The following SLC4A4 variants were observed in gnomAD, a reference collection of about 807,000 sequenced individuals.
The protein encoded by SLC4A4 is solute carrier family 4 member 4, also known as electrogenic sodium bicarbonate cotransporter 1.
SLC4A4 carries 27 observed loss-of-function variants against 111.5 expected under a neutral mutation model. That is an observed-to-expected ratio of 0.24 (90% confidence interval 0.18 to 0.33). SLC4A4 has a LOEUF of 0.33. Ranked by LOEUF, SLC4A4 falls within the 10% of genes least tolerant of loss-of-function variation. SLC4A4 has a pLI of 1.00. For synonymous variants in SLC4A4, 443 were observed against 463.4 expected (o/e 0.96, Z 0.57); for missense variants, 909 against 1,315.5 (o/e 0.69, Z 4.78).
intron 3 of SLC4A4, among the ~76,000 whole-genome samples, chr4:71,262,055 C>T (rs1355399299): frequency 1.3e-5 from 2 of 152,064 alleles, no homozygotes; most frequent in East Asian, 1.9e-4. Context: ...AAGCGGAAGG[C>T]AGGTCACATC....
intron 1 of SLC4A4, among the ~76,000 whole-genome samples, chr4:71,214,320 T>G (rs1295986155): frequency 6.6e-6 from 1 of 152,172 alleles, no homozygotes; most frequent in Admixed American, 6.5e-5. Flanking sequence ...GAATGATAAT[T>G]AAAGCAACTT....
chr4:71,185,214 C>A (rs1004874014), upstream of SLC4A4, among the ~76,000 whole-genome samples: 2 of 152,174 alleles, frequency 1.3e-5, no homozygotes, highest in Non-Finnish European at 2.9e-5. Flanking sequence ...GGCTGCTTCA[C>A]GATTATAATG....
In SLC4A4 at chr4:71,219,010, T is replaced by A. The variant is rs138800870; in HGVS notation, c.-1-17566T>A. Among the ~76,000 whole-genome samples the A allele has an allele frequency of 3.9e-5, 6 of 152,274 alleles. No individual in the cohort carries two copies. In the East Asian group the frequency reaches 9.7e-4, roughly 25 times the overall value. On this transcript the variant is annotated intron_variant, in intron 1 of 25. Coordinates refer to ENST00000264485, the MANE Select transcript of SLC4A4 (RefSeq NM_001098484.3). ...AGTAATACAAGGGACTGTATTAGTT[T>A]TTGGAGAGTTTTTATTCTTCTAGGA...
intron 2 of SLC4A4, among the ~76,000 whole-genome samples, chr4:71,130,831 A>C (rs780136158): frequency 6.6e-6 from 1 of 152,138 alleles, no homozygotes; most frequent in Non-Finnish European, 1.5e-5. Flanking sequence ...TGGAATCAAT[A>C]CCTTTTTAGG....
intron 2 of SLC4A4, among the ~76,000 whole-genome samples, chr4:71,166,624 G>T (rs749462055): frequency 1.3e-5 from 2 of 152,192 alleles, no homozygotes; most frequent in African/African-American, 2.4e-5. Flanking sequence ...ATGAAATCAT[G>T]AGATTTGAAA....
intron 6 of SLC4A4, among the ~76,000 whole-genome samples, chr4:71,390,692 G>A (rs977217049): frequency 6.6e-6 from 1 of 152,080 alleles, no homozygotes; most frequent in East Asian, 1.9e-4. Context: ...CATGAAAATA[G>A]AATATATTCT....
intron 3 of SLC4A4, among the ~76,000 whole-genome samples, chr4:71,288,407 ATTTT>A (rs112503573): frequency 6.9e-6 from 1 of 145,906 alleles, no homozygotes; most frequent in African/African-American, 2.5e-5. Context: ...AGGGTAGGGG[ATTTT>A]TTTTTTTTAC....
At chr4:71,123,681 G>GTAT (rs1198201379) in intron 2 of SLC4A4, among the ~76,000 whole-genome samples, 2 of 152,122 alleles carry the variant, frequency 1.3e-5, no homozygotes, top group African/African-American at 4.8e-5. Flanking sequence ...GTGTGAAATG[G>GTAT]TATTCTTCCT....
chr4:71,233,719 A>C (rs1046722506), intron 1 of SLC4A4, among the ~76,000 whole-genome samples: 2 of 152,128 alleles, frequency 1.3e-5, no homozygotes, highest in South Asian at 4.1e-4. Flanking sequence ...TAAAGTGGCT[A>C]AATAGAACTC....
At chr4:71,130,390 G>A (rs759709081) in intron 2 of SLC4A4, among the ~76,000 whole-genome samples, 2 of 151,996 alleles carry the variant, frequency 1.3e-5, no homozygotes, top group African/African-American at 4.8e-5. Context: ...CCTCCATGCT[G>A]GCTAATTAAT....
chr4:71,498,816 A>C (rs547068495), intron 16 of SLC4A4, among the ~76,000 whole-genome samples: 1 of 152,252 alleles, frequency 6.6e-6, no homozygotes, highest in South Asian at 2.1e-4. Context: ...ACCCACAGCC[A>C]TTCTTTGTTT....
At chr4:71,160,399 G>A (rs1744589574) in intron 2 of SLC4A4, among the ~76,000 whole-genome samples, 1 of 151,504 alleles carries the variant, frequency 6.6e-6, no homozygotes, top group Non-Finnish European at 1.5e-5. Context: ...TTTGTTCAGC[G>A]CCATTTGGGT....
chr4:71,310,003 C>T (rs1366525263), intron 3 of SLC4A4, among the ~76,000 whole-genome samples: 1 of 151,830 alleles, frequency 6.6e-6, no homozygotes, highest in Non-Finnish European at 1.5e-5. Flanking sequence ...CCTGATGGAT[C>T]TGAGAAACAC....
intron 3 of SLC4A4, among the ~76,000 whole-genome samples, chr4:71,329,470 T>C (rs1190557283): frequency 6.6e-6 from 1 of 152,142 alleles, no homozygotes. Context: ...TATCTTTCCA[T>C]TTTGTTATGT....
At chr4:71,267,342 A>AG (rs985302780) in intron 3 of SLC4A4, among the ~76,000 whole-genome samples, 4 of 152,126 alleles carry the variant, frequency 2.6e-5, no homozygotes, top group African/African-American at 9.7e-5. Context: ...CTGAAGGATG[A>AG]GAAAAAAAAA....
rs187778655 is a variant in SLC4A4, at chr4:71,064,838, G to A, written c.-65+2050G>A. ...TGTGCCACTTGCTAGCTATCTAATC[G>A]TAGACGAGTTATTTAACATCCTTCT... On this transcript the variant is annotated intron_variant, in intron 1 of 26. Transcript: ENST00000649996. Among the ~76,000 whole-genome samples the A allele has an allele frequency of 3.7e-3, 564 of 152,260 alleles. 11 individuals are homozygous for A. Among genetic ancestry groups the A allele is most frequent in the Admixed American group, 0.029 (448 of 15,288 alleles).
chr4:71,281,709 C>CA (rs889339729), intron 3 of SLC4A4, among the ~76,000 whole-genome samples: 10 of 152,146 alleles, frequency 6.6e-5, no homozygotes, highest in African/African-American at 2.4e-4. Flanking sequence ...ATACATAACA[C>CA]AACATGTATT....
At chr4:71,536,471 T>C (rs1182960422) in intron 18 of SLC4A4, among the ~76,000 whole-genome samples, 1 of 84,668 alleles carries the variant, frequency 1.2e-5, no homozygotes, top group South Asian at 5.4e-4. Flanking sequence ...TATACATATA[T>C]ATATATATAT....
chr4:71,118,604 A>G (rs1578496846), intron 2 of SLC4A4, among the ~76,000 whole-genome samples: 1 of 152,114 alleles, frequency 6.6e-6, no homozygotes. Flanking sequence ...TTTGTAGTAA[A>G]ATGCTCCTAT....
Sources: gnomAD v4.1 joint callset for allele counts (sites outside exome capture counted in the v4.1 genomes callset) on GRCh38, gnomAD v4.1.1 for gene constraint, MANE v1.5 for transcripts, NCBI Gene and HGNC (gene_info 2026-07-23, HGNC 2026-07-21) for gene names.